ZEB2: variants seen among roughly 807,000 people sequenced by gnomAD.
ZEB2 encodes the protein zinc finger E-box binding homeobox 2.
ZEB2 carries 6 observed loss-of-function variants against 99.9 expected under a neutral mutation model. The observed-to-expected ratio is 0.06, with a 90% confidence interval of 0.03 to 0.12. The LOEUF is 0.12. ZEB2 is among the 10% of genes least tolerant of loss of function. ZEB2 has a pLI of 1.00. For synonymous variants in ZEB2, 517 were observed against 542.5 expected, an observed-to-expected ratio of 0.95 and a Z score of 0.65; for missense variants, 969 against 1,502.8, an observed-to-expected ratio of 0.64 and a Z score of 5.87.
rs538097749 is a variant in ZEB2, at chr2:144,501,354, A to T, written c.73+15924T>A. ...CTAGGCCATTTCTGCCAGCCTGGAA[A>T]AAAGGGGAAAAGGCCATGTAAGCAA... is the stretch of plus-strand genomic sequence containing the variant. On this transcript the variant is annotated intron_variant, in intron 2 of 9. Coordinates refer to ENST00000627532, the MANE Select transcript of ZEB2 (RefSeq NM_014795.4). 2.0e-4 allele frequency among the ~76,000 whole-genome samples: 31 copies of T among 152,286 alleles called. No homozygotes were observed. The South Asian group carries it at 6.0e-3, about 30-fold the overall frequency.
rs1703098762 is a variant in ZEB2, at chr2:144,387,280, T to C, written c.*2171A>G. The C allele has an allele frequency of 6.6e-6, 1 of 152,082 alleles. No individual in the cohort carries two copies. Among genetic ancestry groups the C allele is most frequent in the Non-Finnish European group, 1.5e-5 (1 of 67,972 alleles). 9.4% of individuals were successfully genotyped at this position (152,082 alleles called of 1,614,324 possible). A position where few individuals can be genotyped will look rare whatever the true frequency, so the allele number is the denominator to read the frequency against. On this transcript the variant is annotated 3_prime_UTR_variant, in exon 10 of 10. Transcript: ENST00000627532. Reference sequence around the variant, plus strand: ...AAAAAATACATGGACAGCTACTATATTATAGTTCTGTATATTCAAGAGCTG... The same window carrying C: ...AAAAAATACATGGACAGCTACTATACTATAGTTCTGTATATTCAAGAGCTG...
chr2:144,475,100 T>G (rs1052330337), intron 2 of ZEB2, among the ~76,000 whole-genome samples: 2 of 152,322 alleles, frequency 1.3e-5, no homozygotes, highest in African/African-American at 4.8e-5. Context: ...CAGTGACATT[T>G]CAACAAGTAT....
chr2:144,460,751 A>G (rs62169219), intron 2 of ZEB2, among the ~76,000 whole-genome samples: 12,655 of 152,182 alleles, frequency 0.083, 632 homozygotes, highest in Non-Finnish European at 0.11. Context: ...AACTTCTTTT[A>G]GTATATTAAA....
chr2:144,498,413 G>A (rs1402068801), intron 2 of ZEB2, among the ~76,000 whole-genome samples: 1 of 151,538 alleles, frequency 6.6e-6, no homozygotes, highest in Non-Finnish European at 1.5e-5. Context: ...AGCCCCATGT[G>A]GTTGCGGATC....
chr2:144,434,897 C>T (rs928551190), intron 2 of ZEB2, among the ~76,000 whole-genome samples: 4 of 152,140 alleles, frequency 2.6e-5, no homozygotes, highest in African/African-American at 9.7e-5. Context: ...GGCCTATCAT[C>T]CAAGGAAGCT....
intron 7 of ZEB2, chr2:144,400,493 T>C (rs1703295813): frequency 3.2e-6 from 2 of 629,340 alleles, no homozygotes. Flanking sequence ...AAGGGCTATC[T>C]ATGCCTTTTT....
intron 4 of ZEB2, among the ~76,000 whole-genome samples, chr2:144,411,125 C>CAA (rs1703459228): frequency 8.3e-6 from 1 of 120,590 alleles, no homozygotes; most frequent in African/African-American, 3.2e-5. Flanking sequence ...CTCATATATA[C>CAA]ACACACACAC....
intron 2 of ZEB2, among the ~76,000 whole-genome samples, chr2:144,486,000 T>G (rs1704590218): frequency 6.6e-6 from 1 of 152,172 alleles, no homozygotes; most frequent in African/African-American, 2.4e-5. Context: ...TACAAGATAT[T>G]TTTGAGTTAG....
At chr2:144,396,269 T>G in intron 9 of ZEB2, 143 bp downstream of exon 9, 2 of 1,097,754 alleles carry the variant, frequency 1.8e-6, no homozygotes, top group South Asian at 2.5e-5. Context: ...AAAGTCCTAC[T>G]GAGCTCGGCA....
At chr2:144,461,277 A>G (rs1704190683) in intron 2 of ZEB2, 1 of 152,158 alleles carries the variant, frequency 6.6e-6, no homozygotes, top group South Asian at 2.1e-4. Flanking sequence ...ATGTTCTAAC[A>G]AACTCATAAA....
intron 4 of ZEB2, among the ~76,000 whole-genome samples, chr2:144,418,920 A>G (rs1176178882): frequency 6.6e-6 from 1 of 152,156 alleles, no homozygotes; most frequent in East Asian, 1.9e-4. Context: ...ATCACTACTA[A>G]AGAGCTTATT....
At chr2:144,488,697 G>A (rs914701539) in intron 2 of ZEB2, among the ~76,000 whole-genome samples, 5 of 151,846 alleles carry the variant, frequency 3.3e-5, no homozygotes, top group Admixed American at 6.6e-5. Context: ...GTGTGTGTGT[G>A]TGTGTGATGG....
chr2:144,498,233 A>C (rs1704816775), intron 2 of ZEB2, among the ~76,000 whole-genome samples: 1 of 143,112 alleles, frequency 7.0e-6, no homozygotes, highest in South Asian at 2.1e-4. Context: ...ACCAAACGTA[A>C]AGAGGTAAGA....
intron 3 of ZEB2, among the ~76,000 whole-genome samples, chr2:144,425,485 A>G (rs1703680195): frequency 1.3e-5 from 2 of 152,188 alleles, no homozygotes; most frequent in African/African-American, 2.4e-5. Context: ...ACTACTCCAT[A>G]AATGTCTTGT....
At chr2:144,421,203 G>A (rs1395254765) in intron 4 of ZEB2, among the ~76,000 whole-genome samples, 1 of 152,160 alleles carries the variant, frequency 6.6e-6, no homozygotes, top group Non-Finnish European at 1.5e-5. Flanking sequence ...TTGTGATGGA[G>A]ACCATTCCAG....
chr2:144,462,538 A>G (rs1187268784), intron 2 of ZEB2: 2 of 152,202 alleles, frequency 1.3e-5, no homozygotes, highest in African/African-American at 4.8e-5. Flanking sequence ...ATAAAAATAG[A>G]ATAAAGTTGT....
intron 2 of ZEB2, among the ~76,000 whole-genome samples, chr2:144,452,329 G>A (rs1057237558): frequency 3.3e-5 from 5 of 152,064 alleles, no homozygotes; most frequent in Admixed American, 3.3e-4. Context: ...TGAAGTAAGG[G>A]GGGAAGCTCT....
intron 2 of ZEB2, among the ~76,000 whole-genome samples, chr2:144,451,947 T>C (rs1379198355): frequency 1.3e-5 from 2 of 151,902 alleles, no homozygotes; most frequent in African/African-American, 2.4e-5. Flanking sequence ...AACATAACTA[T>C]TTTTTTTCTC....
rs144204427 is a variant in ZEB2 at position 144,499,817 on chromosome 2, T to C, written c.73+17461A>G. Among the ~76,000 whole-genome samples the C allele has an allele frequency of 1.9e-3, 286 of 152,254 alleles. 1 individual carries two copies. Among genetic ancestry groups the C allele is most frequent in the African/African-American group, 6.4e-3 (266 of 41,540 alleles). On this transcript the variant is annotated intron_variant, in intron 2 of 9. Transcript: ENST00000627532. Reference sequence around the variant, plus strand: ...TTAGTCAGAAGTTCAGGTGTACAATTTTGACCCGTGTAACAATTTTAGGCT... The same window carrying C: ...TTAGTCAGAAGTTCAGGTGTACAATCTTGACCCGTGTAACAATTTTAGGCT...
Sources: gnomAD v4.1 joint callset for allele counts (sites outside exome capture counted in the v4.1 genomes callset) on GRCh38, gnomAD v4.1.1 for gene constraint, MANE v1.5 for transcripts, NCBI Gene and HGNC (gene_info 2026-07-23, HGNC 2026-07-21) for gene names.